The following PRKN variants were observed in gnomAD, a reference collection of about 807,000 sequenced individuals.
The protein encoded by PRKN is parkin RBR E3 ubiquitin protein ligase.
PRKN carries 56 observed loss-of-function variants against 59.5 expected under a neutral mutation model. The ratio of observed to expected loss-of-function variants is 0.94; its 90% CI spans 0.76 to 1.18. The LOEUF (loss-of-function observed/expected upper bound fraction) is 1.18. Ranked by LOEUF, PRKN falls within the 50% of genes most tolerant of loss-of-function variation. The probability of loss-of-function intolerance (pLI) is 0.00; values close to 1 mark genes in which losing one functional copy is unlikely to be tolerated. For synonymous variants in PRKN, 250 were observed against 222.1 expected (o/e 1.13, Z -1.12); for missense variants, 657 against 596.4 (o/e 1.10, Z -1.06).
intron 2 of PRKN, among the ~76,000 whole-genome samples, chr6:162,431,485 G>GACCTCA (rs1789526664): frequency 6.6e-6 from 1 of 152,056 alleles, no homozygotes; most frequent in Non-Finnish European, 1.5e-5. Flanking sequence ...TGAGACCCAG[G>GACCTCA]AGGCAGAGGT....
rs140621171 is a variant in PRKN at position 162,418,613 on chromosome 6, AGTGTGTGTGTGT to A, written c.171+24685_171+24696del. Among the ~76,000 whole-genome samples the A allele has an allele frequency of 6.3e-5, 8 of 126,390 alleles. No homozygotes were observed. The East Asian group carries it at 8.3e-4, about 13-fold the overall frequency. The allele number at this position is 126,390 out of a possible 152,430, so 82.9% of individuals were successfully genotyped here. A position where few individuals can be genotyped will look rare whatever the true frequency, so the allele number is the denominator to read the frequency against. Reference sequence around the variant, plus strand: ...AAGTGATGAAGAGAGAGGGACAGACAGTGTGTGTGTGTGTGTGTGTGTGTGTGTGTGTGTGTA... The same window carrying A: ...AAGTGATGAAGAGAGAGGGACAGACAGTGTGTGTGTGTGTGTGTGTGTGTA... On this transcript the variant is annotated intron_variant, in intron 2 of 11. Transcript: ENST00000366898.
At position 161,440,146 on chromosome 6, in the gene PRKN, G is replaced by A. The variant is rs960061471; in HGVS notation, c.1084-53269C>T. 6.6e-6 allele frequency among the ~76,000 whole-genome samples: 1 copy of A among 151,800 alleles called. No individual in the cohort carries two copies. The highest frequency in any genetic ancestry group is 1.5e-5 in the Non-Finnish European group (1 of 67,984). ...TTTTTGGTATTTTTAGTAGAGACGGGGTTTCACCGTGTTAGCCAGGATGCT... is the reference window on the plus strand; with the variant it reads ...TTTTTGGTATTTTTAGTAGAGACGGAGTTTCACCGTGTTAGCCAGGATGCT... On this transcript the variant is annotated intron_variant, in intron 9 of 11. Transcript: ENST00000366898. This position sits in a 1 kb window ranked among gnomAD's most constrained non-coding sequence, Gnocchi z 4.1.
rs911545637 is a variant in PRKN at position 161,399,288 on chromosome 6, C to T, written c.1084-12411G>A. Among the ~76,000 whole-genome samples the T allele has an allele frequency of 1.3e-5, 2 of 152,140 alleles. No homozygotes were observed. The highest frequency in any genetic ancestry group is 1.3e-4 in the Admixed American group (2 of 15,276). ...TGACCTGATTTTTCTGGATGCCAGA[C>T]AAGAACTTGGAATATGGAAAGCTGT... is the stretch of plus-strand genomic sequence containing the variant. On this transcript the variant is annotated intron_variant, in intron 9 of 11. Coordinates refer to ENST00000366898, the MANE Select transcript of PRKN (RefSeq NM_004562.3). The surrounding 1 kb of genome is among the most constrained non-coding windows in gnomAD (Gnocchi z 4.4).
intron 7 of PRKN, among the ~76,000 whole-genome samples, chr6:161,672,734 C>T (rs1784954396): frequency 6.6e-6 from 1 of 152,176 alleles, no homozygotes; most frequent in Non-Finnish European, 1.5e-5. Flanking sequence ...CGAGATCACA[C>T]CACTGCACTC....
chr6:161,625,581 A>C (rs1783054971), intron 7 of PRKN, among the ~76,000 whole-genome samples: 1 of 152,196 alleles, frequency 6.6e-6, no homozygotes, highest in Non-Finnish European at 1.5e-5. Flanking sequence ...ATCAATAAAA[A>C]ATAAAGTAGA....
At chr6:161,842,710 GC>G (rs1281461283) in intron 6 of PRKN, among the ~76,000 whole-genome samples, 8 of 152,014 alleles carry the variant, frequency 5.3e-5, no homozygotes, top group Non-Finnish European at 1.2e-4. Context: ...GATTACAGGT[GC>G]CTGCCACCAT....
intron 6 of PRKN, among the ~76,000 whole-genome samples, chr6:161,863,492 AAC>A (rs1352451123): frequency 2.0e-5 from 3 of 152,222 alleles, no homozygotes; most frequent in African/African-American, 7.2e-5. Context: ...TGTACTGTAC[AAC>A]AGTGTCCTAC....
At chr6:162,006,491 C>G (rs1385285701) in intron 5 of PRKN, among the ~76,000 whole-genome samples, 1 of 152,170 alleles carries the variant, frequency 6.6e-6, no homozygotes, top group African/African-American at 2.4e-5. Context: ...GTGTTCCATT[C>G]CACTTGGAAA....
At chr6:161,450,184 G>T (rs1789665889) in intron 9 of PRKN, among the ~76,000 whole-genome samples, 1 of 152,228 alleles carries the variant, frequency 6.6e-6, no homozygotes, top group Admixed American at 6.5e-5. Flanking sequence ...TGAAGAGGGG[G>T]AAGGTGTATG....
intron 9 of PRKN, among the ~76,000 whole-genome samples, chr6:161,408,498 T>C (rs1046599464): frequency 2.7e-5 from 4 of 147,540 alleles, no homozygotes; most frequent in Non-Finnish European, 6.0e-5. Flanking sequence ...TTTTTTTTTT[T>C]GGTACAATTT....
chr6:162,514,555 C>A (rs117606952), intron 1 of PRKN, among the ~76,000 whole-genome samples: 1 of 152,164 alleles, frequency 6.6e-6, no homozygotes, highest in South Asian at 2.1e-4. Flanking sequence ...AAAGTCTGGC[C>A]GTGATGGCTC....
At chr6:162,216,002 C>T (rs1353793517) in intron 3 of PRKN, among the ~76,000 whole-genome samples, 1 of 151,938 alleles carries the variant, frequency 6.6e-6, no homozygotes, top group Non-Finnish European at 1.5e-5. Flanking sequence ...TGAGCAAGAT[C>T]GCACCACTGC....
chr6:162,465,145 C>G (rs1015215016), intron 1 of PRKN, among the ~76,000 whole-genome samples: 5 of 152,138 alleles, frequency 3.3e-5, no homozygotes, highest in Non-Finnish European at 7.3e-5. Flanking sequence ...TACCAAGCAT[C>G]ACTTCTATGA....
In PRKN at chr6:161,646,042, TGGTGGAGGA is replaced by T. The variant is rs1302628174; in HGVS notation, c.872-76635_872-76627del. Among the ~76,000 whole-genome samples, 32 of 97,938 alleles carry T rather than the reference TGGTGGAGGA, an allele frequency of 3.3e-4. 3 individuals are homozygous for T. The highest frequency in any genetic ancestry group is 4.7e-4 in the African/African-American group (13 of 27,936). The allele number at this position is 97,938 out of a possible 152,430, so 64.3% of individuals were successfully genotyped here. A position where few individuals can be genotyped will look rare whatever the true frequency, so the allele number is the denominator to read the frequency against. On this transcript the variant is annotated intron_variant, in intron 7 of 11. Coordinates refer to ENST00000366898, the MANE Select transcript of PRKN (RefSeq NM_004562.3). The stretch of plus-strand genomic sequence containing the variant: ...ACAGTGGTGACTGCGTGTGCATGCG[TGGTGGAGGA>T]GGCGGCGTATCAGTGACAGTGGTGA...
chr6:162,549,237 ACCTGACTTCCAG>A lies in PRKN; in HGVS notation c.8-105776_8-105765del, dbSNP rs575427726. ...TCCTTCAAACCCAGAACTTGCGGACACCTGACTTCCAGCCTGACTTCCAGCCTCCAGCAGTGT... is the reference window on the plus strand; with the variant it reads ...TCCTTCAAACCCAGAACTTGCGGACACCTGACTTCCAGCCTCCAGCAGTGT... On this transcript the variant is annotated intron_variant, in intron 1 of 11. Transcript: ENST00000366898. Among the ~76,000 whole-genome samples, 787 of 152,198 alleles carry A rather than the reference ACCTGACTTCCAG, an allele frequency of 5.2e-3. 1 individual carries two copies. Among genetic ancestry groups the A allele is most frequent in the Admixed American group, 6.4e-3 (98 of 15,276 alleles).
At chr6:162,457,030 T>C (rs1170111530) in intron 1 of PRKN, among the ~76,000 whole-genome samples, 1 of 152,134 alleles carries the variant, frequency 6.6e-6, no homozygotes, top group African/African-American at 2.4e-5. Context: ...GTACGAAAGT[T>C]GAAACAAGAA....
chr6:162,342,128 C>G (rs376055983), intron 2 of PRKN, among the ~76,000 whole-genome samples: 4 of 152,080 alleles, frequency 2.6e-5, no homozygotes, highest in African/African-American at 9.7e-5. Flanking sequence ...CTAACTTGGC[C>G]TTGTTCTTTA....
chr6:162,293,839 C>G (rs570480066), intron 2 of PRKN, among the ~76,000 whole-genome samples: 1 of 152,030 alleles, frequency 6.6e-6, no homozygotes, highest in Non-Finnish European at 1.5e-5. Flanking sequence ...CCACCGCACC[C>G]GGCTAATTTT....
At chr6:162,020,154 G>A (rs188253481) in intron 5 of PRKN, among the ~76,000 whole-genome samples, 73 of 151,944 alleles carry the variant, frequency 4.8e-4, no homozygotes, top group Admixed American at 2.1e-3. Context: ...CTCTTCCTGC[G>A]GAGAACAACT....
Sources: gnomAD v4.1 joint callset for allele counts (sites outside exome capture counted in the v4.1 genomes callset) on GRCh38, gnomAD v4.1.1 for gene constraint, Gnocchi (gnomAD v3.1) non-coding constraint, MANE v1.5 for transcripts, NCBI Gene and HGNC (gene_info 2026-07-23, HGNC 2026-07-21) for gene names.